The following SLC35A3 variants were observed in gnomAD, a reference collection of about 807,000 sequenced individuals.
SLC35A3 encodes UDP-N-acetylglucosamine transporter.
Under a neutral mutation model 39.0 loss-of-function variants are expected in SLC35A3, and 26 were observed. The ratio of observed to expected loss-of-function variants is 0.67; its 90% CI spans 0.49 to 0.92. SLC35A3 has a LOEUF of 0.92. Among genes scored for constraint, SLC35A3 ranks in the 40% least tolerant of loss-of-function variants. The pLI is 0.00. For synonymous variants in SLC35A3, 135 were observed against 133.1 expected, an observed-to-expected ratio of 1.01 and a Z score of -0.10; for missense variants, 299 against 371.6, an observed-to-expected ratio of 0.80 and a Z score of 1.61.
intron 2 of SLC35A3, among the ~76,000 whole-genome samples, chr1:99,998,677 G>T (rs1050404805): frequency 1.3e-5 from 2 of 152,142 alleles, no homozygotes; most frequent in East Asian, 3.9e-4. Flanking sequence ...ATTAAATGAG[G>T]TATGCTTACA....
chr1:100,017,532 A>G, intron 6 of SLC35A3, 150 bp from the exon 7 acceptor site: 2 of 479,310 alleles, frequency 4.2e-6, no homozygotes, highest in Admixed American at 4.0e-5. Flanking sequence ...CTGTAAGTCT[A>G]TTCGTTGTTA....
chr1:99,996,254 A>C (rs766104392), intron 2 of SLC35A3, among the ~76,000 whole-genome samples: 1 of 152,236 alleles, frequency 6.6e-6, no homozygotes, highest in Non-Finnish European at 1.5e-5. Context: ...TCTGTAAATC[A>C]AGTCAAGTAA....
chr1:100,017,886 A>G (rs1356246590), intron 7 of SLC35A3, 71 bp downstream of exon 7: 2 of 878,684 alleles, frequency 2.3e-6, no homozygotes, highest in East Asian at 2.9e-5. Flanking sequence ...TTGTAAGGTG[A>G]TCTGATAAAT....
chr1:100,013,012 A>G (rs1440594167), intron 5 of SLC35A3, among the ~76,000 whole-genome samples: 1 of 152,194 alleles, frequency 6.6e-6, no homozygotes, highest in African/African-American at 2.4e-5. Flanking sequence ...GAGTTAACAT[A>G]CATGAAGCAC....
At chr1:100,017,216 T>C (rs1570625241) in intron 6 of SLC35A3, among the ~76,000 whole-genome samples, 1 of 152,270 alleles carries the variant, frequency 6.6e-6, no homozygotes, top group East Asian at 1.9e-4. Flanking sequence ...GAAAACTTAA[T>C]GTGACAGTAA....
intron 1 of SLC35A3, among the ~76,000 whole-genome samples, chr1:99,990,105 G>A (rs957320667): frequency 1.3e-5 from 2 of 151,986 alleles, no homozygotes; most frequent in African/African-American, 4.8e-5. Context: ...TTCATTTATG[G>A]TTTGTGCTTT....
Position 99,993,744 on chromosome 1 carries a change from A to G in SLC35A3, c.187+3A>G, listed in dbSNP as rs2101134207. 6.2e-7 allele frequency: 1 copy of G among 1,610,472 alleles called. No homozygotes were observed. Among genetic ancestry groups the G allele is most frequent in the Non-Finnish European group, 8.5e-7 (1 of 1,178,992 alleles). ...TTTATTGGTCTACAAAGACAGCAGT[A>G]GGTATCTAGGTTTTTTGTTTTTAAT... is the stretch of plus-strand genomic sequence containing the variant. On this transcript the variant is annotated splice_donor_region_variant and intron_variant, in intron 2 of 7. Transcript: ENST00000533028.
In SLC35A3 at chr1:100,029,818, A is replaced by G. The variant is rs1464116485; in HGVS notation, c.*7342A>G. On this transcript the variant is annotated 3_prime_UTR_variant, in exon 8 of 8. Transcript: ENST00000533028. ...ACATAACATGAATCTAGTGTGGAAA[A>G]ATGTTTATAATCAGATATTGTGTTA... 6.6e-6 allele frequency: 1 copy of G among 152,100 alleles called. No homozygotes were observed. Among genetic ancestry groups the G allele is most frequent in the Non-Finnish European group, 1.5e-5 (1 of 68,024 alleles). 9.4% of individuals were successfully genotyped at this position (152,100 alleles called of 1,614,324 possible). A position where few individuals can be genotyped will look rare whatever the true frequency, so the allele number is the denominator to read the frequency against.
At chr1:99,982,489 T>A (rs911303398) in intron 1 of SLC35A3, among the ~76,000 whole-genome samples, 17 of 152,170 alleles carry the variant, frequency 1.1e-4, no homozygotes, top group Admixed American at 3.3e-4. Flanking sequence ...GTATATTTTT[T>A]AAATATTTAG....
intron 1 of SLC35A3, among the ~76,000 whole-genome samples, chr1:99,971,212 A>C (rs1304376661): frequency 6.6e-6 from 1 of 152,180 alleles, no homozygotes; most frequent in African/African-American, 2.4e-5. Context: ...TAAATTATTT[A>C]GGGAGGCATT....
At chr1:99,977,473 T>C (rs1248696723) in intron 1 of SLC35A3, among the ~76,000 whole-genome samples, 1 of 146,688 alleles carries the variant, frequency 6.8e-6, no homozygotes, top group Non-Finnish European at 1.5e-5. Context: ...ACTCGGGAGG[T>C]AGAGGTTGCA....
chr1:99,999,946 A>T (rs1295141234), intron 3 of SLC35A3, among the ~76,000 whole-genome samples: 1 of 151,934 alleles, frequency 6.6e-6, no homozygotes, highest in Non-Finnish European at 1.5e-5. Context: ...CATTCTTGTT[A>T]TATCTGAATA....
rs552481294 is a variant in SLC35A3 at position 100,025,105 on chromosome 1, C to T, written c.*2629C>T. 3 of 162,248 alleles carry T rather than the reference C, an allele frequency of 1.8e-5. No homozygotes were observed. The highest frequency in any genetic ancestry group is 3.4e-4 in the East Asian group (2 of 5,880). The allele number at this position is 162,248 out of a possible 1,614,324, so 10.1% of individuals were successfully genotyped here. A position where few individuals can be genotyped will look rare whatever the true frequency, so the allele number is the denominator to read the frequency against. ...TGCCCAACATGATTTTCAGTAACCACCCTTTAGAGTATTTGTTTACTAAGT... is the reference window on the plus strand; with the variant it reads ...TGCCCAACATGATTTTCAGTAACCATCCTTTAGAGTATTTGTTTACTAAGT... On this transcript the variant is annotated 3_prime_UTR_variant, in exon 8 of 8. Coordinates refer to ENST00000533028, the MANE Select transcript of SLC35A3 (RefSeq NM_012243.3).
In SLC35A3 at chr1:99,993,553, C is replaced by T; in HGVS notation, c.-2C>T. Reference sequence around the variant, plus strand: ...GTTTTTCAGGCAAATGAAGATAAAACAATGTTCGCCAACCTAAAATACGTT... The same window carrying T: ...GTTTTTCAGGCAAATGAAGATAAAATAATGTTCGCCAACCTAAAATACGTT... On this transcript the variant is annotated 5_prime_UTR_variant, in exon 2 of 8. Coordinates refer to ENST00000533028, the MANE Select transcript of SLC35A3 (RefSeq NM_012243.3). 1 of 1,613,546 alleles carries T rather than the reference C, an allele frequency of 6.2e-7. No individual in the cohort carries two copies. The highest frequency in any genetic ancestry group is 1.7e-5 in the Admixed American group (1 of 59,916).
intron 5 of SLC35A3, among the ~76,000 whole-genome samples, 157 bp downstream of exon 5, chr1:100,011,690 ATTTAT>A (rs1659656486): frequency 2.9e-5 from 1 of 34,134 alleles, no homozygotes; most frequent in Admixed American, 4.3e-4. Flanking sequence ...TTTATTATTT[ATTTAT>A]TTATTTATTT....
At chr1:99,992,206 T>C (rs1658130990) in intron 1 of SLC35A3, among the ~76,000 whole-genome samples, 1 of 152,218 alleles carries the variant, frequency 6.6e-6, no homozygotes, top group South Asian at 2.1e-4. Flanking sequence ...TTTTCCCCTT[T>C]AGTTATGTTA....
At position 100,029,426 on chromosome 1, in the gene SLC35A3, A is replaced by ATTTTTTTTT. The variant is rs1170082728; in HGVS notation, c.*6964_*6972dup. 2 of 125,604 alleles carry ATTTTTTTTT rather than the reference A, an allele frequency of 1.6e-5. No individual in the cohort carries two copies. Among genetic ancestry groups the ATTTTTTTTT allele is most frequent in the African/African-American group, 3.2e-5 (1 of 30,904 alleles). The allele number at this position is 125,604 out of a possible 1,614,324, so 7.8% of individuals were successfully genotyped here. ...CAATTCTTCTTTTCAGAGACTTTTA[A>ATTTTTTTTT]TTTTTTTTTTTTTTTTTTTTTTGAG... On this transcript the variant is annotated 3_prime_UTR_variant, in exon 8 of 8. Coordinates refer to ENST00000533028, the MANE Select transcript of SLC35A3 (RefSeq NM_012243.3).
chr1:100,013,527 C>T (rs373251847), intron 5 of SLC35A3, among the ~76,000 whole-genome samples: 4 of 150,596 alleles, frequency 2.7e-5, no homozygotes, highest in Non-Finnish European at 4.4e-5. Context: ...GTGGGAGGAT[C>T]GCTTGAGTCC....
chr1:100,017,252 A>G (rs1037893297), intron 6 of SLC35A3, among the ~76,000 whole-genome samples: 53 of 152,180 alleles, frequency 3.5e-4, no homozygotes, highest in African/African-American at 1.3e-3. Context: ...AAAGGGGAGA[A>G]ACTATAGGAA....
Sources: gnomAD v4.1 joint callset for allele counts (sites outside exome capture counted in the v4.1 genomes callset) on GRCh38, gnomAD v4.1.1 for gene constraint, MANE v1.5 for transcripts, NCBI Gene and HGNC (gene_info 2026-07-23, HGNC 2026-07-21) for gene names.